Variants in ERBB4 observed in about 807,000 individuals in gnomAD.
ERBB4 encodes receptor tyrosine-protein kinase erbB-4.
In ERBB4, 42 loss-of-function variants were observed where a neutral mutation model predicts 158.0. The ratio of observed to expected loss-of-function variants is 0.27; its 90% CI spans 0.21 to 0.34. The LOEUF is 0.34. ERBB4 is among the 10% of genes least tolerant of loss of function. The pLI is 1.00. For synonymous variants in ERBB4, 583 were observed against 558.7 expected (o/e 1.04, Z -0.61); for missense variants, 1,333 against 1,624.1 (o/e 0.82, Z 3.08).
chr2:212,163,317 A>C (rs1521653), intron 1 of ERBB4, among the ~76,000 whole-genome samples: 1 of 151,802 alleles, frequency 6.6e-6, no homozygotes. Flanking sequence ...GGATATGACA[A>C]TTGAAAAAAC....
chr2:212,045,727 C>T (rs1373369616), intron 2 of ERBB4, among the ~76,000 whole-genome samples: 2 of 152,184 alleles, frequency 1.3e-5, no homozygotes, highest in Non-Finnish European at 2.9e-5. Context: ...CCTGTCCTTA[C>T]AGATGAACAA....
chr2:211,716,362 CAAAAAAAAAAAAAAA>C (rs534486221), intron 7 of ERBB4, among the ~76,000 whole-genome samples: 12 of 69,290 alleles, frequency 1.7e-4, no homozygotes, highest in African/African-American at 5.2e-4. Flanking sequence ...AACTCTGTCT[CAAAAAAAAAAAAAAA>C]AAAAAAAAAA....
Position 211,954,657 on chromosome 2 carries a change from A to AG in ERBB4, c.235-7042dup, listed in dbSNP as rs548371945. Among the ~76,000 whole-genome samples, 407 of 152,048 alleles carry AG rather than the reference A, an allele frequency of 2.7e-3. 1 individual carries two copies. Among genetic ancestry groups the AG allele is most frequent in the Non-Finnish European group, 4.6e-3 (313 of 67,954 alleles). On this transcript the variant is annotated intron_variant, in intron 2 of 27. Coordinates refer to ENST00000342788, the MANE Select transcript of ERBB4 (RefSeq NM_005235.3). ...GGGAACAGAGAACTATGGTGGTAAGAGGGGGGGTAATAGAAAGTCCCTTCT... is the reference window on the plus strand; with the variant it reads ...GGGAACAGAGAACTATGGTGGTAAGAGGGGGGGGTAATAGAAAGTCCCTTCT...
chr2:211,511,380 T>C (rs1405066479), intron 20 of ERBB4, among the ~76,000 whole-genome samples: 1 of 152,082 alleles, frequency 6.6e-6, no homozygotes, highest in Non-Finnish European at 1.5e-5. Flanking sequence ...TATATACATG[T>C]TCTTGAATAA....
At chr2:211,888,684 G>T (rs867669621) in intron 3 of ERBB4, among the ~76,000 whole-genome samples, 1 of 151,936 alleles carries the variant, frequency 6.6e-6, no homozygotes, top group African/African-American at 2.4e-5. Context: ...GCAGGCCAGT[G>T]GGTGCGCGCA....
Position 212,095,729 on chromosome 2 carries a change from G to A in ERBB4, c.234+29023C>T, listed in dbSNP as rs569336153. Among the ~76,000 whole-genome samples the A allele has an allele frequency of 2.3e-4, 35 of 152,050 alleles. 1 individual carries two copies. The East Asian group carries it at 6.8e-3, about 29-fold the overall frequency. On this transcript the variant is annotated intron_variant, in intron 2 of 27. Coordinates refer to ENST00000342788, the MANE Select transcript of ERBB4 (RefSeq NM_005235.3). The stretch of plus-strand genomic sequence containing the variant: ...GGGCGGATCACGAGGTCAGGAGATC[G>A]AGACCATCCTGGCTAACACGGTGAA...
At chr2:212,359,068 T>C (rs2089579921) in intron 1 of ERBB4, among the ~76,000 whole-genome samples, 1 of 151,740 alleles carries the variant, frequency 6.6e-6, no homozygotes, top group African/African-American at 2.4e-5. Flanking sequence ...AATAAACCAA[T>C]GCAACATCAT....
At chr2:212,334,465 G>T (rs1031716004) in intron 1 of ERBB4, among the ~76,000 whole-genome samples, 2 of 151,974 alleles carry the variant, frequency 1.3e-5, no homozygotes, top group Admixed American at 6.6e-5. Context: ...ATATATGCAT[G>T]GATAAATTAA....
At chr2:212,093,587 A>T (rs1489822604) in intron 2 of ERBB4, among the ~76,000 whole-genome samples, 1 of 152,242 alleles carries the variant, frequency 6.6e-6, no homozygotes, top group Non-Finnish European at 1.5e-5. Context: ...CCTGGGTTTA[A>T]ATCTTGGCTC....
chr2:211,772,944 TATATA>T (rs1477681617), intron 4 of ERBB4, among the ~76,000 whole-genome samples: 6 of 88,952 alleles, frequency 6.7e-5, no homozygotes, highest in South Asian at 4.4e-4. Context: ...TATATATATA[TATATA>T]TATATATTTT....
chr2:211,549,557 CAA>C (rs1026702391), intron 20 of ERBB4, among the ~76,000 whole-genome samples: 9 of 152,062 alleles, frequency 5.9e-5, no homozygotes, highest in Admixed American at 2.6e-4. Flanking sequence ...TGATCGGGTA[CAA>C]GAGTTATGTG....
intron 1 of ERBB4, among the ~76,000 whole-genome samples, chr2:212,301,972 T>C (rs2086640955): frequency 6.6e-6 from 1 of 151,528 alleles, no homozygotes; most frequent in South Asian, 2.1e-4. Context: ...AGGGGTATCC[T>C]ATGTCACTAA....
At chr2:212,401,778 G>T (rs774913395) in intron 1 of ERBB4, among the ~76,000 whole-genome samples, 18 of 151,780 alleles carry the variant, frequency 1.2e-4, no homozygotes, top group Non-Finnish European at 2.2e-4. Context: ...ATAGAGTAAG[G>T]CTCTCAGTAA....
At chr2:212,110,458 G>A (rs555231090) in intron 2 of ERBB4, among the ~76,000 whole-genome samples, 2 of 152,290 alleles carry the variant, frequency 1.3e-5, no homozygotes, top group South Asian at 2.1e-4. Context: ...CTGACCCCAT[G>A]GGCTTTGACA....
intron 1 of ERBB4, among the ~76,000 whole-genome samples, chr2:212,534,301 G>A (rs1692920090): frequency 6.6e-6 from 1 of 152,138 alleles, no homozygotes; most frequent in Non-Finnish European, 1.5e-5. Flanking sequence ...AGAGTACTTA[G>A]AAAGAGCACA....
intron 20 of ERBB4, among the ~76,000 whole-genome samples, chr2:211,527,684 AATAAC>A (rs1378428364): frequency 2.6e-5 from 4 of 152,074 alleles, no homozygotes; most frequent in Admixed American, 2.6e-4. Context: ...TATAAATAGA[AATAAC>A]AAAATGTTAA....
chr2:212,079,818 CTTCT>C (rs2078382749), intron 2 of ERBB4, among the ~76,000 whole-genome samples: 2 of 152,008 alleles, frequency 1.3e-5, no homozygotes, highest in African/African-American at 4.8e-5. Flanking sequence ...TTTCCTGTTT[CTTCT>C]TTCTTTGATA....
chr2:211,420,694 A>G, intron 24 of ERBB4, 83 bp from the exon 25 acceptor site: 2 of 1,194,186 alleles, frequency 1.7e-6, no homozygotes, highest in Admixed American at 3.5e-5. Context: ...TTTATGTAAT[A>G]TCATAACAAA....
At chr2:211,644,887 G>A (rs1428330003) in intron 16 of ERBB4, among the ~76,000 whole-genome samples, 4 of 151,600 alleles carry the variant, frequency 2.6e-5, no homozygotes, top group Admixed American at 2.6e-4. Context: ...CTTTATTTTT[G>A]CATTTAGAAA....
Sources: gnomAD v4.1 joint callset for allele counts (sites outside exome capture counted in the v4.1 genomes callset) on GRCh38, gnomAD v4.1.1 for gene constraint, MANE v1.5 for transcripts, NCBI Gene and HGNC (gene_info 2026-07-23, HGNC 2026-07-21) for gene names.